RIT2: variants seen among roughly 807,000 people sequenced by gnomAD.
RIT2 encodes Ras like without CAAX 2.
Under a neutral mutation model 23.7 loss-of-function variants are expected in RIT2, and 24 were observed. The observed-to-expected ratio is 1.01, with a 90% CI of 0.73 to 1.43. The LOEUF is 1.43. Among genes scored for constraint, RIT2 ranks in the 40% most tolerant of loss-of-function variants. RIT2 has a pLI of 0.00. For missense variants in RIT2, 236 were observed against 266.9 expected, an observed-to-expected ratio of 0.88 and a Z score of 0.81; for synonymous variants, 107 against 91.1, an observed-to-expected ratio of 1.17 and a Z score of -0.99.
intron 2 of RIT2, among the ~76,000 whole-genome samples, chr18:43,025,251 G>A (rs1278563569): frequency 1.3e-5 from 2 of 150,052 alleles, no homozygotes; most frequent in Non-Finnish European, 3.0e-5. Context: ...AAAAAAAACA[G>A]GCAGCAAATA....
At chr18:43,100,974 CAT>C (rs1446843833) in intron 1 of RIT2, among the ~76,000 whole-genome samples, 4 of 151,732 alleles carry the variant, frequency 2.6e-5, no homozygotes, top group African/African-American at 9.7e-5. Flanking sequence ...CATGCACAGA[CAT>C]ATATGTGTGT....
intron 4 of RIT2, among the ~76,000 whole-genome samples, chr18:42,747,249 A>G (rs1247050745): frequency 6.6e-6 from 1 of 152,054 alleles, no homozygotes; most frequent in Admixed American, 6.6e-5. Flanking sequence ...CTATATACCA[A>G]CAGCGACCAA....
intron 1 of RIT2, among the ~76,000 whole-genome samples, chr18:43,088,348 A>G (rs1019326937): frequency 6.6e-6 from 1 of 152,186 alleles, no homozygotes; most frequent in Non-Finnish European, 1.5e-5. Flanking sequence ...TTTCTAATAC[A>G]TTGTATTTTA....
chr18:43,100,256 C>G (rs1913651150), intron 1 of RIT2, among the ~76,000 whole-genome samples: 1 of 152,026 alleles, frequency 6.6e-6, no homozygotes, highest in South Asian at 2.1e-4. Flanking sequence ...AAGCAGATAT[C>G]TGGAGAAAAG....
At chr18:42,978,683 C>A (rs1286121083) in intron 2 of RIT2, among the ~76,000 whole-genome samples, 1 of 152,112 alleles carries the variant, frequency 6.6e-6, no homozygotes, top group East Asian at 1.9e-4. Context: ...TTGGAGGCAT[C>A]CACTACCTTA....
intron 1 of RIT2, among the ~76,000 whole-genome samples, chr18:43,099,612 T>G (rs889507800): frequency 1.3e-5 from 2 of 152,258 alleles, no homozygotes; most frequent in African/African-American, 4.8e-5. Flanking sequence ...CAAAAAGTCT[T>G]AAACTCAATG....
At chr18:42,855,961 C>T (rs1006194824) in intron 4 of RIT2, among the ~76,000 whole-genome samples, 3 of 151,928 alleles carry the variant, frequency 2.0e-5, no homozygotes, top group African/African-American at 7.3e-5. Context: ...GATGTTGGGG[C>T]TCAAAAAATA....
At chr18:42,812,354 G>T (rs1322213232) in intron 4 of RIT2, among the ~76,000 whole-genome samples, 3 of 152,090 alleles carry the variant, frequency 2.0e-5, no homozygotes, top group Non-Finnish European at 4.4e-5. Context: ...AGAATTGTCT[G>T]CCAACTTAAG....
chr18:42,750,840 CTT>C (rs34043341), intron 4 of RIT2, among the ~76,000 whole-genome samples: 81,750 of 151,350 alleles, frequency 0.54, 24,882 homozygotes, highest in Middle Eastern at 0.71. Context: ...ACCCTGAAAA[CTT>C]TTGAATCATA....
chr18:42,787,504 T>C (rs916195406), intron 4 of RIT2, among the ~76,000 whole-genome samples: 1 of 152,136 alleles, frequency 6.6e-6, no homozygotes, highest in African/African-American at 2.4e-5. Context: ...GAAGCAACTG[T>C]AAAAATCTGA....
At chr18:43,060,142 G>A (rs1036046359) in intron 1 of RIT2, among the ~76,000 whole-genome samples, 2 of 152,228 alleles carry the variant, frequency 1.3e-5, no homozygotes, top group Admixed American at 1.3e-4. Flanking sequence ...TAGATCTAAA[G>A]CAAACTTTAG....
intron 4 of RIT2, among the ~76,000 whole-genome samples, chr18:42,807,968 T>C (rs756441534): frequency 6.6e-6 from 1 of 152,204 alleles, no homozygotes; most frequent in Non-Finnish European, 1.5e-5. Context: ...AATTCAAAGC[T>C]AGTTCCTGGC....
intron 4 of RIT2, among the ~76,000 whole-genome samples, chr18:42,794,298 T>C (rs1483639209): frequency 6.6e-6 from 1 of 152,172 alleles, no homozygotes; most frequent in African/African-American, 2.4e-5. Flanking sequence ...TTCCCTGACT[T>C]AGTAGCATCA....
At chr18:42,877,883 T>A (rs1412678749) in intron 4 of RIT2, among the ~76,000 whole-genome samples, 1 of 151,842 alleles carries the variant, frequency 6.6e-6, no homozygotes, top group East Asian at 1.9e-4. Flanking sequence ...GAAATGTATA[T>A]TCAGGGCAAC....
chr18:43,046,768 A>AT (rs1165682483), intron 1 of RIT2, among the ~76,000 whole-genome samples: 11 of 152,202 alleles, frequency 7.2e-5, no homozygotes, highest in Non-Finnish European at 1.3e-4. Context: ...TACTCAACCA[A>AT]AACAACATAC....
chr18:43,079,273 T>A (rs1446755964), intron 1 of RIT2, among the ~76,000 whole-genome samples: 1 of 152,190 alleles, frequency 6.6e-6, no homozygotes, highest in Non-Finnish European at 1.5e-5. Flanking sequence ...ATTTGTGTGT[T>A]TTTTGTTTTT....
At chr18:43,009,259 G>T (rs1911297045) in intron 2 of RIT2, among the ~76,000 whole-genome samples, 1 of 151,564 alleles carries the variant, frequency 6.6e-6, no homozygotes, top group Non-Finnish European at 1.5e-5. Flanking sequence ...AAATTTAAAT[G>T]TAATGTTGTT....
At chr18:43,064,702 C>CA in intron 1 of RIT2, among the ~76,000 whole-genome samples, 1 of 152,134 alleles carries the variant, frequency 6.6e-6, no homozygotes, top group East Asian at 1.9e-4. Context: ...AAATAAATCA[C>CA]AATTAGAGCA....
intron 2 of RIT2, among the ~76,000 whole-genome samples, chr18:43,008,122 T>C (rs891897336): frequency 1.3e-5 from 2 of 151,570 alleles, no homozygotes; most frequent in African/African-American, 4.8e-5. Flanking sequence ...ACTAGAAATT[T>C]GTAGGAATTT....
Sources: gnomAD v4.1 joint callset for allele counts (sites outside exome capture counted in the v4.1 genomes callset) on GRCh38, gnomAD v4.1.1 for gene constraint, MANE v1.5 for transcripts, NCBI Gene and HGNC (gene_info 2026-07-23, HGNC 2026-07-21) for gene names.